GREB1: variants seen among roughly 807,000 people sequenced by gnomAD.
GREB1 encodes the protein growth regulating estrogen receptor binding 1, also known as protein GREB1.
A neutral mutation model predicts 200.7 loss-of-function variants in GREB1; 106 were observed. That is an observed-to-expected ratio of 0.53 (90% CI 0.45 to 0.62). The LOEUF is 0.62. Ranked by LOEUF, GREB1 falls within the 20% of genes least tolerant of loss-of-function variation. GREB1 has a pLI of 0.00. For synonymous variants in GREB1, 1,132 were observed against 1,092.4 expected (o/e 1.04, Z -0.72); for missense variants, 2,243 against 2,556.8 (o/e 0.88, Z 2.65).
At chr2:11,601,279 A>G (rs750852539) in intron 16 of GREB1, among the ~76,000 whole-genome samples, 6 of 152,200 alleles carry the variant, frequency 3.9e-5, no homozygotes, top group Non-Finnish European at 7.3e-5. Context: ...TGTTTGTTCT[A>G]TGGCATTGAA....
chr2:11,619,194 C>T (rs551936161), intron 22 of GREB1, among the ~76,000 whole-genome samples: 1 of 152,336 alleles, frequency 6.6e-6, no homozygotes, highest in African/African-American at 2.4e-5. Flanking sequence ...CAATCCACAT[C>T]ATCTCACTCG....
Position 11,640,724 on chromosome 2 carries a change from C to G in GREB1, c.*270C>G, listed in dbSNP as rs994112323. On this transcript the variant is annotated 3_prime_UTR_variant, in exon 33 of 33. Transcript: ENST00000381486. The surrounding 1 kb of genome is among the most constrained non-coding windows in gnomAD (Gnocchi z 4.6). The stretch of plus-strand genomic sequence containing the variant: ...GTTTTAAAGCCCATTTCACGAGGAA[C>G]AAAGATTTACTTCCTGTCCTGCCAT... The G allele has an allele frequency of 9.5e-6, 4 of 421,792 alleles. No individual in the cohort carries two copies. The highest frequency in any genetic ancestry group is 4.6e-5 in the Admixed American group (1 of 21,546). 26.1% of individuals were successfully genotyped at this position (421,792 alleles called of 1,614,324 possible).
At position 11,629,797 on chromosome 2, in the gene GREB1, C is replaced by T; in HGVS notation, c.4450-151C>T. ...CCCTGTCAACAGACCTGGGTGTCTG[C>T]ACTTTGCACTGGAGTCACCCCGTGG... On this transcript the variant is annotated intron_variant, in intron 25 of 32. Coordinates refer to ENST00000381486, the MANE Select transcript of GREB1 (RefSeq NM_014668.4). The surrounding 1 kb of genome is among the most constrained non-coding windows in gnomAD (Gnocchi z 5.2). 2 of 702,660 alleles carry T rather than the reference C, an allele frequency of 2.8e-6. No individual in the cohort carries two copies. Among genetic ancestry groups the T allele is most frequent in the Non-Finnish European group, 4.7e-6 (2 of 421,366 alleles). 43.5% of individuals were successfully genotyped at this position (702,660 alleles called of 1,614,324 possible). A position where few individuals can be genotyped will look rare whatever the true frequency, so the allele number is the denominator to read the frequency against.
Position 11,618,405 on chromosome 2 carries a change from A to G in GREB1, c.3530A>G (p.Gln1177Arg), listed in dbSNP as rs1683691922. Residue 1177 changes from glutamine to arginine, a missense_variant, in exon 22 of 33, where the codon CAG becomes CGG. Coordinates refer to ENST00000381486, the MANE Select transcript of GREB1 (RefSeq NM_014668.4). ...GAGGGCAGAGCCCCTGGTGAGAAAC[A>G]GAGGCCCCGGGCAAGTCAGGGGCCA... ...AEEGRAPGEKQRPRASQGPPS... is the reference protein window; with the variant it reads ...AEEGRAPGEKRRPRASQGPPS... The G allele has an allele frequency of 6.2e-7, 1 of 1,610,766 alleles. No individual in the cohort carries two copies. The highest frequency in any genetic ancestry group is 1.3e-5 in the African/African-American group (1 of 74,858).
intron 1 of GREB1, among the ~76,000 whole-genome samples, chr2:11,506,020 A>G (rs939995893): frequency 6.6e-6 from 1 of 152,238 alleles, no homozygotes. Context: ...ATGGTTCTAC[A>G]GTGAAGGAGC....
At chr2:11,575,243 C>A (rs540762078) in intron 4 of GREB1, among the ~76,000 whole-genome samples, 19 of 152,332 alleles carry the variant, frequency 1.2e-4, no homozygotes, top group Admixed American at 1.2e-3. Context: ...CAGCCAAAGA[C>A]CTTTGAGCCC....
intron 7 of GREB1, among the ~76,000 whole-genome samples, chr2:11,583,534 A>T (rs1385248038): frequency 2.0e-5 from 3 of 152,194 alleles, no homozygotes; most frequent in Non-Finnish European, 4.4e-5. Flanking sequence ...GAGACTCTAA[A>T]GCAATGATTC....
chr2:11,591,916 C>A, intron 10 of GREB1: 1 of 714,992 alleles, frequency 1.4e-6, no homozygotes, highest in Non-Finnish European at 1.7e-6. Flanking sequence ...GGAAAGAATG[C>A]AAGACCCAAA....
At chr2:11,538,187 G>A (rs567986113) in intron 1 of GREB1, among the ~76,000 whole-genome samples, 120 of 152,300 alleles carry the variant, frequency 7.9e-4, no homozygotes, top group African/African-American at 2.6e-3. Context: ...GGCGATGAAG[G>A]TGCAGGGATG....
At chr2:11,626,436 A>G (rs1487304544) in intron 24 of GREB1, among the ~76,000 whole-genome samples, 2 of 152,118 alleles carry the variant, frequency 1.3e-5, no homozygotes, top group Non-Finnish European at 2.9e-5. Context: ...AAAAATGCAA[A>G]AATTAGCCAG....
chr2:11,517,532 C>T (rs527533542), intron 1 of GREB1: 13 of 151,462 alleles, frequency 8.6e-5, no homozygotes, highest in African/African-American at 3.1e-4. Context: ...GGGGCTTGAT[C>T]TGAAGGTAGA....
chr2:11,634,024 C>T (rs1685106369), intron 28 of GREB1, 107 bp from the exon 29 acceptor site: 1 of 1,056,044 alleles, frequency 9.5e-7, no homozygotes, highest in Non-Finnish European at 1.5e-6. Context: ...ACCGGCCCGT[C>T]CAGGTGTTCA....
chr2:11,615,417 G>C (rs1407714848), intron 20 of GREB1, 127 bp downstream of exon 20: 1 of 730,448 alleles, frequency 1.4e-6, no homozygotes, highest in Non-Finnish European at 2.3e-6. Flanking sequence ...GGACCTGTCT[G>C]CTGGACAGCG....
intron 1 of GREB1, among the ~76,000 whole-genome samples, chr2:11,520,240 C>A (rs1229699125): frequency 6.6e-6 from 1 of 152,160 alleles, no homozygotes; most frequent in Admixed American, 6.5e-5. Flanking sequence ...TTATAGCAAA[C>A]CTTTGAGATA....
chr2:11,505,317 T>C (rs527257784), intron 1 of GREB1, among the ~76,000 whole-genome samples: 104 of 152,142 alleles, frequency 6.8e-4, no homozygotes, highest in African/African-American at 2.3e-3. Context: ...TGCTTCTCCT[T>C]TGCTTAAAAT....
At chr2:11,553,171 T>G (rs1015812531) in intron 1 of GREB1, among the ~76,000 whole-genome samples, 2 of 152,132 alleles carry the variant, frequency 1.3e-5, no homozygotes, top group Admixed American at 6.5e-5. Context: ...CATTAAAACT[T>G]TGATGTTTGT....
chr2:11,557,253 C>T (rs950283057), intron 2 of GREB1, among the ~76,000 whole-genome samples: 15 of 152,314 alleles, frequency 9.8e-5, no homozygotes, highest in Admixed American at 5.9e-4. Context: ...AAATTCTCTT[C>T]GGGCATAGGG....
At chr2:11,628,765 G>A (rs996633561) in intron 25 of GREB1, among the ~76,000 whole-genome samples, 3 of 152,068 alleles carry the variant, frequency 2.0e-5, no homozygotes, top group African/African-American at 4.8e-5. Flanking sequence ...TCAGGACCTC[G>A]GGCTGCATCA....
chr2:11,577,070 C>T (rs994075754), intron 5 of GREB1, among the ~76,000 whole-genome samples: 4 of 151,092 alleles, frequency 2.6e-5, no homozygotes, highest in African/African-American at 7.3e-5. Flanking sequence ...AAAAAAAAAA[C>T]GTTGACAGAG....
Sources: allele counts gnomAD v4.1 joint callset (sites outside exome capture counted in the v4.1 genomes callset), GRCh38; gene constraint gnomAD v4.1.1; non-coding constraint Gnocchi (gnomAD v3.1); transcripts MANE v1.5; gene names NCBI Gene and HGNC (gene_info 2026-07-23, HGNC 2026-07-21).